RYR3: variants seen among roughly 807,000 people sequenced by gnomAD.
RYR3 encodes the protein brain ryanodine receptor-calcium release channel.
RYR3 carries 207 observed loss-of-function variants against 584.3 expected under a neutral mutation model. That is an observed-to-expected ratio of 0.35 (90% confidence interval 0.32 to 0.40). RYR3 has a LOEUF of 0.40. RYR3 is among the 10% of genes least tolerant of loss of function. The probability of loss-of-function intolerance (pLI) is 1.00; values close to 1 mark genes in which losing one functional copy is unlikely to be tolerated. For missense variants in RYR3, 5,616 were observed against 6,089.2 expected, an observed-to-expected ratio of 0.92 and a Z score of 2.59; for synonymous variants, 2,416 against 2,248.5, an observed-to-expected ratio of 1.07 and a Z score of -2.11.
intron 1 of RYR3, among the ~76,000 whole-genome samples, chr15:33,406,002 C>A (rs2042990975): frequency 6.6e-6 from 1 of 152,206 alleles, no homozygotes. Context: ...AAAGGACTCT[C>A]AGTGGCTCTG....
chr15:33,499,039 C>T (rs1251062605), intron 2 of RYR3, among the ~76,000 whole-genome samples: 4 of 152,102 alleles, frequency 2.6e-5, no homozygotes, highest in Non-Finnish European at 5.9e-5. Context: ...TATATCATTT[C>T]CTACATAACT....
chr15:33,651,749 C>G (rs2062485311), intron 31 of RYR3, among the ~76,000 whole-genome samples: 2 of 152,172 alleles, frequency 1.3e-5, no homozygotes, highest in Admixed American at 6.5e-5. Flanking sequence ...CAGACTGACC[C>G]TAAGATGTTT....
At chr15:33,415,588 C>T (rs551662089) in intron 1 of RYR3, among the ~76,000 whole-genome samples, 4 of 151,674 alleles carry the variant, frequency 2.6e-5, no homozygotes, top group Non-Finnish European at 4.4e-5. Flanking sequence ...GGAGAAAGAC[C>T]GTGAGACCAC....
chr15:33,356,325 C>T (rs1055945312), intron 1 of RYR3, among the ~76,000 whole-genome samples: 1 of 152,156 alleles, frequency 6.6e-6, no homozygotes, highest in Non-Finnish European at 1.5e-5. Flanking sequence ...TGCTGGTGTG[C>T]TTTGTGATAT....
intron 62 of RYR3, among the ~76,000 whole-genome samples, chr15:33,771,483 G>A (rs1191118257): frequency 3.3e-5 from 5 of 151,016 alleles, no homozygotes; most frequent in South Asian, 2.1e-4. Flanking sequence ...GCAGTGAGCC[G>A]AGATCACACC....
intron 2 of RYR3, among the ~76,000 whole-genome samples, chr15:33,477,367 G>A (rs2049473269): frequency 6.6e-6 from 1 of 152,026 alleles, no homozygotes; most frequent in South Asian, 2.1e-4. Flanking sequence ...AGAATAAAGG[G>A]CATGAGTATA....
chr15:33,662,039 G>A, intron 34 of RYR3, 114 bp from the exon 35 acceptor site: 2 of 781,388 alleles, frequency 2.6e-6, no homozygotes, highest in Non-Finnish European at 4.1e-6. Context: ...AGAAACTGTG[G>A]CAGAGACCCC....
intron 84 of RYR3, 59 bp downstream of exon 84, chr15:33,826,811 C>T (rs985081795): frequency 1.7e-5 from 21 of 1,228,920 alleles, no homozygotes; most frequent in East Asian, 1.6e-4. Context: ...ACTAGAATTC[C>T]GTTCAGTATG....
intron 51 of RYR3, among the ~76,000 whole-genome samples, chr15:33,741,663 G>T (rs897634616): frequency 6.6e-6 from 1 of 152,086 alleles, no homozygotes; most frequent in Non-Finnish European, 1.5e-5. Flanking sequence ...ACCCAGGCTG[G>T]AGTGCAGTGG....
rs372985572 is a variant in RYR3 at position 33,848,430 on chromosome 15, C to T, written c.13628+9C>T. 1.9e-5 allele frequency: 31 copies of T among 1,604,114 alleles called. No homozygotes were observed. The highest frequency in any genetic ancestry group is 2.5e-5 in the Non-Finnish European group (30 of 1,177,060). ...TTGGTGATCAACACACCGTGAGTGT[C>T]CCTCTACCCCAACCTAAAAAGGAGA... On this transcript the variant is annotated intron_variant, in intron 94 of 103. Transcript: ENST00000634891.
At chr15:33,696,792 C>A (rs183245913) in intron 39 of RYR3, among the ~76,000 whole-genome samples, 1 of 152,214 alleles carries the variant, frequency 6.6e-6, no homozygotes, top group Non-Finnish European at 1.5e-5. Flanking sequence ...TGTGTTCAAC[C>A]CAAGACAGAA....
Position 33,662,169 on chromosome 15 carries a change from G to A in RYR3, c.4639G>A (p.Glu1547Lys). The A allele has an allele frequency of 6.3e-7, 1 of 1,598,146 alleles. No individual in the cohort carries two copies. Among genetic ancestry groups the A allele is most frequent in the East Asian group, 2.2e-5 (1 of 44,598 alleles). ...TGTCCTCAGGTGTGTGGATATCCTG[G>A]AGCTCTGTGAGCAGGAGGACCTGAT... ...PEENRCVDIL[E>K]LCEQEDLMRF... Residue 1547 changes from glutamate (E) to lysine (K), a missense_variant, in exon 35 of 104, where the codon GAG (glutamate) becomes AAG (lysine). Physicochemically the swap from Glu to Lys is moderately conservative, Grantham distance 56. Coordinates refer to ENST00000634891, the MANE Select transcript of RYR3 (RefSeq NM_001036.6).
intron 1 of RYR3, among the ~76,000 whole-genome samples, chr15:33,338,860 T>C (rs1447518572): frequency 6.6e-6 from 1 of 152,116 alleles, no homozygotes; most frequent in Non-Finnish European, 1.5e-5. Context: ...CCTTGAAAAA[T>C]ACAAACTTCG....
intron 36 of RYR3, 79 bp from the exon 37 acceptor site, chr15:33,669,275 G>A (rs2063675532): frequency 6.8e-6 from 7 of 1,022,950 alleles, no homozygotes; most frequent in Non-Finnish European, 8.7e-6. Flanking sequence ...AAGAATGTAA[G>A]TGTCTGTCTA....
chr15:33,336,759 A>ATTT (rs1000489432), intron 1 of RYR3, among the ~76,000 whole-genome samples: 4 of 151,686 alleles, frequency 2.6e-5, no homozygotes, highest in Non-Finnish European at 5.9e-5. Context: ...AAGGACTATA[A>ATTT]AGTTTCTAAA....
rs1352290310 is a variant in RYR3, at chr15:33,831,007, C to T, written c.11379C>T (p.Ile3793=). The change falls in exon 86 of 104, where the codon ATC becomes ATT. Residue 3793 remains isoleucine (I), a synonymous_variant. Transcript: ENST00000634891. ...DFYWYYSGKD[I]IDESGQHNFS... ...ACTGGTATTATTCAGGGAAGGACAT[C>T]ATTGATGAATCTGGACAGCACAATT... is the stretch of plus-strand genomic sequence containing the variant. 1.9e-6 allele frequency: 3 copies of T among 1,613,484 alleles called. No individual in the cohort carries two copies. Among genetic ancestry groups the T allele is most frequent in the Middle Eastern group, 3.3e-4 (2 of 6,084 alleles).
At chr15:33,686,282 G>A (rs1319554518) in intron 38 of RYR3, among the ~76,000 whole-genome samples, 2 of 152,184 alleles carry the variant, frequency 1.3e-5, no homozygotes, top group Admixed American at 6.5e-5. Flanking sequence ...ACTACCATCA[G>A]AGAATACTAT....
chr15:33,771,735 C>G (rs2152888112), intron 62 of RYR3, among the ~76,000 whole-genome samples, 185 bp from the exon 63 acceptor site: 1 of 152,180 alleles, frequency 6.6e-6, no homozygotes, highest in South Asian at 2.1e-4. Flanking sequence ...AGTGGCTAGC[C>G]CCTCTGGGAT....
chr15:33,348,870 T>C (rs1350678964), intron 1 of RYR3, among the ~76,000 whole-genome samples: 1 of 152,174 alleles, frequency 6.6e-6, no homozygotes, highest in East Asian at 1.9e-4. Flanking sequence ...GTATCCACTA[T>C]TGCAGCATAA....
Sources: allele counts gnomAD v4.1 joint callset (sites outside exome capture counted in the v4.1 genomes callset), GRCh38; gene constraint gnomAD v4.1.1; transcripts MANE v1.5; gene names NCBI Gene and HGNC (gene_info 2026-07-23, HGNC 2026-07-21).